Variants in SPATA31H1 observed in about 807,000 individuals in gnomAD.
The protein encoded by SPATA31H1 is SPATA31 subfamily H member 1, also known as spermatogenesis-associated protein 31H1.
chr2:27,579,354 T>A, the SPATA31H1 span: 1 of 1,614,178 alleles, frequency 6.2e-7, no homozygotes, highest in Admixed American at 1.7e-5. Flanking sequence ...TATTCAGAAT[T>A]TATTTGGGAT....
At chr2:27,566,313 G>GTATAT in the SPATA31H1 span, 1 of 717,370 alleles carries the variant, frequency 1.4e-6, no homozygotes, top group Non-Finnish European at 2.6e-6. Flanking sequence ...CTGTGGGCTG[G>GTATAT]ACCCAGGAAT....
chr2:27,563,750 G>A, the SPATA31H1 span, among the ~76,000 whole-genome samples: 7 of 151,872 alleles, frequency 4.6e-5, no homozygotes, highest in Non-Finnish European at 7.4e-5. Flanking sequence ...TAGTAGAGAC[G>A]GTGTTTCACC....
At chr2:27,545,482 C>G in the SPATA31H1 span, among the ~76,000 whole-genome samples, 2 of 151,852 alleles carry the variant, frequency 1.3e-5, no homozygotes, top group Non-Finnish European at 2.9e-5. Flanking sequence ...GTAGATGACA[C>G]CAGTTTTCTA....
the SPATA31H1 span, chr2:27,574,624 C>T: frequency 2.5e-6 from 1 of 398,318 alleles, no homozygotes. Context: ...GGACAACAGA[C>T]ACAAAGCGAA....
chr2:27,542,719 C>A, the SPATA31H1 span, among the ~76,000 whole-genome samples: 1 of 151,884 alleles, frequency 6.6e-6, no homozygotes, highest in African/African-American at 2.4e-5. Context: ...AAAACTTCAT[C>A]TCTTGAACTA....
chr2:27,578,334 G>T, the SPATA31H1 span: 1 of 1,614,100 alleles, frequency 6.2e-7, no homozygotes, highest in Non-Finnish European at 8.5e-7. Context: ...GTTTCAAATT[G>T]TAAAAACTAT....
the SPATA31H1 span, chr2:27,567,886 C>T: frequency 5.0e-6 from 2 of 398,836 alleles, no homozygotes; most frequent in East Asian, 3.6e-5. Flanking sequence ...GGGATGATCC[C>T]AGAATCACAT....
chr2:27,541,869 C>T, the SPATA31H1 span, among the ~76,000 whole-genome samples: 1 of 151,964 alleles, frequency 6.6e-6, no homozygotes, highest in African/African-American at 2.4e-5. Context: ...CTCCTGAGCT[C>T]GAGTGATTCT....
the SPATA31H1 span, chr2:27,580,590 C>A: frequency 1.2e-6 from 2 of 1,614,176 alleles, no homozygotes; most frequent in Non-Finnish European, 1.7e-6. Flanking sequence ...TTTAAAAAGA[C>A]AACCTAAGAA....
the SPATA31H1 span, among the ~76,000 whole-genome samples, chr2:27,546,362 C>CT: frequency 6.6e-6 from 1 of 151,832 alleles, no homozygotes; most frequent in African/African-American, 2.4e-5. Flanking sequence ...TCTCAAATTA[C>CT]TTTTTGTGTA....
At chr2:27,581,388 T>C in the SPATA31H1 span, 1 of 1,608,904 alleles carries the variant, frequency 6.2e-7, no homozygotes. Context: ...TGAGAGAAGC[T>C]GGCGCAGTCC....
the SPATA31H1 span, chr2:27,567,288 C>T: frequency 1.7e-6 from 1 of 582,778 alleles, no homozygotes; most frequent in Admixed American, 3.1e-5. Context: ...GCTAGAAGGA[C>T]ATATGTCTCA....
the SPATA31H1 span, among the ~76,000 whole-genome samples, chr2:27,563,385 CT>C: frequency 1.5e-4 from 10 of 68,728 alleles, no homozygotes; most frequent in African/African-American, 4.1e-4. Flanking sequence ...TCTTCTACTT[CT>C]TTTTTTTTTT....
the SPATA31H1 span, among the ~76,000 whole-genome samples, chr2:27,551,584 T>C: frequency 6.6e-6 from 1 of 151,990 alleles, no homozygotes; most frequent in East Asian, 1.9e-4. Context: ...GAGTTGATGT[T>C]GTAGTCTTGA....
At chr2:27,554,765 G>C in the SPATA31H1 span, among the ~76,000 whole-genome samples, 1 of 151,916 alleles carries the variant, frequency 6.6e-6, no homozygotes, top group Non-Finnish European at 1.5e-5. Context: ...GTAGGGACAG[G>C]GTTTCGCCAT....
the SPATA31H1 span, chr2:27,579,038 T>A: frequency 1.1e-4 from 177 of 1,614,152 alleles, no homozygotes; most frequent in African/African-American, 2.1e-3. Flanking sequence ...ATGTAATATC[T>A]AAAGAGACAA....
At chr2:27,576,435 G>A in the SPATA31H1 span, 1 of 639,220 alleles carries the variant, frequency 1.6e-6, no homozygotes, top group South Asian at 2.2e-5. Context: ...ATGTTCTCAA[G>A]ATGTGAAATC....
At chr2:27,577,348 CTG>C in the SPATA31H1 span, 3 of 1,614,056 alleles carry the variant, frequency 1.9e-6, no homozygotes, top group Non-Finnish European at 2.5e-6. The surrounding 1 kb of genome is among the most constrained non-coding windows in gnomAD (Gnocchi z 4.5). Flanking sequence ...CTGCAGCAAA[CTG>C]TGGAATATGA....
the SPATA31H1 span, among the ~76,000 whole-genome samples, chr2:27,544,567 C>T: frequency 7.2e-6 from 1 of 139,200 alleles, no homozygotes. Flanking sequence ...CGGAGTCTTG[C>T]TCTGTCACCC....
Sources: allele counts gnomAD v4.1 joint callset (sites outside exome capture counted in the v4.1 genomes callset), GRCh38; gene constraint gnomAD v4.1.1; non-coding constraint Gnocchi (gnomAD v3.1); transcripts MANE v1.5; gene names NCBI Gene and HGNC (gene_info 2026-07-23, HGNC 2026-07-21).